ADRA1B: variants seen among roughly 807,000 people sequenced by gnomAD.
ADRA1B encodes the protein adrenoceptor alpha 1B, also known as alpha-1B adrenergic receptor.
In ADRA1B, 17 loss-of-function variants were observed where a neutral mutation model predicts 17.9. That is an observed-to-expected ratio of 0.95 (90% CI 0.65 to 1.42). The LOEUF (loss-of-function observed/expected upper bound fraction) is 1.42. Among genes scored for constraint, ADRA1B ranks in the 40% most tolerant of loss-of-function variants. The pLI is 0.00. For missense variants in ADRA1B, 681 were observed against 722.1 expected (o/e 0.94, Z 0.65); for synonymous variants, 366 against 327.6 (o/e 1.12, Z -1.27).
chr5:159,932,762 C>T (rs1754850968), intron 1 of ADRA1B, among the ~76,000 whole-genome samples: 1 of 151,978 alleles, frequency 6.6e-6, no homozygotes, highest in African/African-American at 2.4e-5. Context: ...AAACACTATT[C>T]CTCATTTTGC....
At chr5:159,883,744 A>G (rs1257518201) in intron 1 of ADRA1B, among the ~76,000 whole-genome samples, 1 of 152,246 alleles carries the variant, frequency 6.6e-6, no homozygotes, top group Non-Finnish European at 1.5e-5. Context: ...TTCTAAGAAG[A>G]GGGTGATGAA....
intron 1 of ADRA1B, among the ~76,000 whole-genome samples, chr5:159,872,494 T>C (rs1753756633): frequency 6.6e-6 from 1 of 152,130 alleles, no homozygotes. Flanking sequence ...CAAACTATTA[T>C]TATCCCCATT....
chr5:159,971,752 C>A (rs1581074317), intron 1 of ADRA1B, 127 bp from the exon 2 acceptor site: 1 of 1,024,754 alleles, frequency 9.8e-7, no homozygotes, highest in Non-Finnish European at 1.3e-6. Context: ...GGAACCGGCT[C>A]GGGGAAAGGC....
At chr5:159,979,081 T>C in the ADRA1B span, among the ~76,000 whole-genome samples, 2 of 152,146 alleles carry the variant, frequency 1.3e-5, no homozygotes, top group African/African-American at 4.8e-5. Flanking sequence ...ATCTCAGCAC[T>C]TTGGGAGGCC....
At chr5:159,886,971 T>C (rs976975349) in intron 1 of ADRA1B, among the ~76,000 whole-genome samples, 2 of 152,162 alleles carry the variant, frequency 1.3e-5, no homozygotes, top group African/African-American at 4.8e-5. Flanking sequence ...AAGACAATGA[T>C]ATTGACTTCA....
At chr5:159,868,404 C>T (rs916395476) in intron 1 of ADRA1B, 1 of 152,110 alleles carries the variant, frequency 6.6e-6, no homozygotes, top group Non-Finnish European at 1.5e-5. Flanking sequence ...TCAGAGTAAA[C>T]AAGAGTTGAG....
intron 1 of ADRA1B, among the ~76,000 whole-genome samples, chr5:159,932,639 T>C (rs13156225): frequency 0.16 from 24,036 of 152,166 alleles, 2,134 homozygotes; most frequent in East Asian, 0.34. Context: ...GCCCCAGTCA[T>C]CCAATTCCCC....
chr5:159,936,750 C>A (rs1211436529), intron 1 of ADRA1B, among the ~76,000 whole-genome samples: 1 of 152,042 alleles, frequency 6.6e-6, no homozygotes, highest in Non-Finnish European at 1.5e-5. Flanking sequence ...ATATTTTTGG[C>A]CCCTGTTCAC....
upstream of ADRA1B, among the ~76,000 whole-genome samples, chr5:159,912,015 C>T (rs1395915022): frequency 6.6e-6 from 1 of 152,154 alleles, no homozygotes; most frequent in African/African-American, 2.4e-5. Flanking sequence ...AATAATAGTA[C>T]CTACCTCATA....
intron 1 of ADRA1B, among the ~76,000 whole-genome samples, chr5:159,941,528 TACAC>T (rs1755125880): frequency 6.6e-6 from 1 of 152,162 alleles, no homozygotes; most frequent in Non-Finnish European, 1.5e-5. Flanking sequence ...ACTCCTAGTA[TACAC>T]AGGAGAGAAT....
In ADRA1B at chr5:159,917,013, A is replaced by G. The variant is rs781165225; in HGVS notation, c.108A>G (p.Thr36=). The change falls in exon 1 of 2, where the codon ACA becomes ACG. Residue 36 remains threonine (T), a synonymous_variant. Coordinates refer to ENST00000306675, the MANE Select transcript of ADRA1B (RefSeq NM_000679.4). ...TGPNQTSSNS[T]LPQLDITRAI... ...CCAACCAGACCTCGAGCAACTCCAC[A>G]CTGCCCCAGCTGGACATCACCAGGG... The G allele has an allele frequency of 1.2e-6, 2 of 1,614,030 alleles. No individual in the cohort carries two copies. The highest frequency in any genetic ancestry group is 1.7e-6 in the Non-Finnish European group (2 of 1,179,976).
At chr5:159,937,026 G>T (rs1039407464) in intron 1 of ADRA1B, among the ~76,000 whole-genome samples, 13 of 152,212 alleles carry the variant, frequency 8.5e-5, no homozygotes, top group African/African-American at 3.1e-4. Flanking sequence ...TCCCACCGCA[G>T]AACAACTGAA....
At chr5:159,882,838 C>T (rs76181584) in intron 1 of ADRA1B, among the ~76,000 whole-genome samples, 1 of 152,204 alleles carries the variant, frequency 6.6e-6, no homozygotes, top group African/African-American at 2.4e-5. Context: ...TAAATGCAAT[C>T]AACAGAACTC....
At chr5:159,952,906 C>T (rs182257936) in intron 1 of ADRA1B, among the ~76,000 whole-genome samples, 1 of 152,316 alleles carries the variant, frequency 6.6e-6, no homozygotes, top group East Asian at 1.9e-4. Context: ...CCAGGCCTCC[C>T]CTCTCAAGAG....
At chr5:159,984,771 T>C in the ADRA1B span, among the ~76,000 whole-genome samples, 1 of 149,930 alleles carries the variant, frequency 6.7e-6, no homozygotes, top group Admixed American at 6.7e-5. Context: ...TAGCCAGGCA[T>C]GGTGGCGAGT....
At chr5:159,983,244 G>C in the ADRA1B span, among the ~76,000 whole-genome samples, 1 of 152,128 alleles carries the variant, frequency 6.6e-6, no homozygotes, top group Non-Finnish European at 1.5e-5. Flanking sequence ...TCCCTCTGCT[G>C]CTTCAGAAAG....
At chr5:159,878,382 G>C (rs1581017339) in intron 1 of ADRA1B, among the ~76,000 whole-genome samples, 2 of 152,312 alleles carry the variant, frequency 1.3e-5, no homozygotes, top group East Asian at 3.9e-4. Flanking sequence ...ACTGAGAAGA[G>C]AACTCCCACT....
chr5:159,887,872 A>G (rs1455817731), intron 1 of ADRA1B, among the ~76,000 whole-genome samples: 1 of 150,254 alleles, frequency 6.7e-6, no homozygotes, highest in African/African-American at 2.5e-5. Context: ...AGTGCTAACA[A>G]GGGTTTGGGG....
In ADRA1B at chr5:159,906,382, T is replaced by C. The variant is rs985047670; in HGVS notation, c.-255-9737T>C. 2.1e-4 allele frequency among the ~76,000 whole-genome samples: 32 copies of C among 152,208 alleles called. 1 individual carries two copies. The highest frequency in any genetic ancestry group is 7.7e-4 in the African/African-American group (32 of 41,456). Reference sequence around the variant, plus strand: ...ACCCTCTATATGAAACATTCAACCATTTTACAGATGACCTCCATTGGATCA... The same window carrying C: ...ACCCTCTATATGAAACATTCAACCACTTTACAGATGACCTCCATTGGATCA... On this transcript the variant is annotated intron_variant, in intron 1 of 2. Transcript: ENST00000641205.
Sources: gnomAD v4.1 joint callset for allele counts (sites outside exome capture counted in the v4.1 genomes callset) on GRCh38, gnomAD v4.1.1 for gene constraint, MANE v1.5 for transcripts, NCBI Gene and HGNC (gene_info 2026-07-23, HGNC 2026-07-21) for gene names.